RPTOR: variants seen among roughly 807,000 people sequenced by gnomAD.
RPTOR encodes the protein regulatory-associated protein of mTOR.
A neutral mutation model predicts 169.9 loss-of-function variants in RPTOR; 21 were observed. That is an observed-to-expected ratio of 0.12 (90% CI 0.09 to 0.18). RPTOR has a LOEUF of 0.18. Ranked by LOEUF, RPTOR falls within the 10% of genes least tolerant of loss-of-function variation. The probability of loss-of-function intolerance (pLI) is 1.00; values close to 1 mark genes in which losing one functional copy is unlikely to be tolerated. For missense variants in RPTOR, 1,133 were observed against 1,855.9 expected, an observed-to-expected ratio of 0.61 and a Z score of 7.16; for synonymous variants, 732 against 753.2, an observed-to-expected ratio of 0.97 and a Z score of 0.46.
rs754747087 is a variant in RPTOR at position 80,945,793 on chromosome 17, G to A, written c.3140+12G>A. The A allele has an allele frequency of 2.7e-5, 42 of 1,536,952 alleles. No homozygotes were observed. Among genetic ancestry groups the A allele is most frequent in the Admixed American group, 3.7e-5 (2 of 54,370 alleles). ...AAGGACAGCATCTGGTATGCACCGC[G>A]CTGGTCAGGCCTCCCTTCCGGCTGA... On this transcript the variant is annotated intron_variant, in intron 26 of 33. Coordinates refer to ENST00000306801, the MANE Select transcript of RPTOR (RefSeq NM_020761.3).
At chr17:80,753,179 CTCTG>C (rs1054793614) in intron 5 of RPTOR, among the ~76,000 whole-genome samples, 14 of 152,296 alleles carry the variant, frequency 9.2e-5, no homozygotes, top group African/African-American at 3.1e-4. Flanking sequence ...TGAGTGCTCG[CTCTG>C]TCTGTTTTTC....
Position 80,807,486 on chromosome 17 carries a change from G to A in RPTOR, c.891-14715G>A, listed in dbSNP as rs1238363906. 1.3e-5 allele frequency among the ~76,000 whole-genome samples: 2 copies of A among 152,160 alleles called. 1 individual carries two copies. On this transcript the variant is annotated intron_variant, in intron 7 of 33. Coordinates refer to ENST00000306801, the MANE Select transcript of RPTOR (RefSeq NM_020761.3). ...CTGCGTCAGACTTCCAAGTAGCTGG[G>A]ATTACAGGCACACACCACCACACCT...
At chr17:80,671,572 A>G (rs2065822213) in intron 3 of RPTOR, among the ~76,000 whole-genome samples, 1 of 152,086 alleles carries the variant, frequency 6.6e-6, no homozygotes, top group Admixed American at 6.5e-5. Flanking sequence ...TCGGTTGGGG[A>G]AGGGGGTCCA....
At chr17:80,622,358 C>G (rs12952285) in intron 1 of RPTOR, among the ~76,000 whole-genome samples, 52,401 of 152,048 alleles carry the variant, frequency 0.34, 9,189 homozygotes, top group African/African-American at 0.4. Context: ...AGCAGTTTAT[C>G]CTCAAAGGCT....
intron 9 of RPTOR, among the ~76,000 whole-genome samples, chr17:80,827,986 C>G (rs1266335097): frequency 1.3e-5 from 2 of 152,182 alleles, no homozygotes; most frequent in East Asian, 3.9e-4. Flanking sequence ...CCAGCCTGCC[C>G]CATGCTGACT....
intron 5 of RPTOR, among the ~76,000 whole-genome samples, chr17:80,744,151 T>C (rs200036615): frequency 0.013 from 190 of 14,570 alleles, 4 homozygotes; most frequent in Middle Eastern, 0.031. Flanking sequence ...ACTATCCTGG[T>C]TACTAGCACA....
chr17:80,797,069 T>C (rs2067108647), intron 7 of RPTOR, among the ~76,000 whole-genome samples: 1 of 152,218 alleles, frequency 6.6e-6, no homozygotes, highest in African/African-American at 2.4e-5. Context: ...TTTTTGGATT[T>C]TGTTCCCCAA....
At chr17:80,885,169 G>T (rs2068230977) in intron 17 of RPTOR, 21 bp downstream of exon 17, 1 of 1,548,336 alleles carries the variant, frequency 6.5e-7, no homozygotes, top group East Asian at 2.4e-5. Flanking sequence ...CCCCAGCCCG[G>T]CAGCAGCAGG....
At chr17:80,855,437 G>T (rs2143744183) in intron 11 of RPTOR, 27 bp from the exon 12 acceptor site, 1 of 1,568,118 alleles carries the variant, frequency 6.4e-7, no homozygotes, top group Non-Finnish European at 8.8e-7. Flanking sequence ...GGTTTGCAGT[G>T]ATACCATTTT....
intron 21 of RPTOR, chr17:80,909,778 T>A (rs1598395361): frequency 6.6e-6 from 1 of 152,264 alleles, no homozygotes; most frequent in South Asian, 2.1e-4. Context: ...AAAGAATCAG[T>A]TTTTGGTTTC....
chr17:80,723,608 T>C (rs569220263), intron 4 of RPTOR, among the ~76,000 whole-genome samples: 1 of 151,394 alleles, frequency 6.6e-6, no homozygotes, highest in Non-Finnish European at 1.5e-5. Context: ...GATCTTTGGC[T>C]TTTTTGAGAG....
Position 80,616,298 on chromosome 17 carries a change from C to CTTTTTTTT in RPTOR, c.163-9379_163-9372dup, listed in dbSNP as rs201229448. Reference sequence around the variant, plus strand: ...AATCCATTTATTGAAAATTGAAAATCTTTTTTTTTTTTTTTTTTTTTGAGA... The same window carrying CTTTTTTTT: ...AATCCATTTATTGAAAATTGAAAATCTTTTTTTTTTTTTTTTTTTTTTTTTTTTTGAGA... On this transcript the variant is annotated intron_variant, in intron 1 of 33. Transcript: ENST00000306801. 7.2e-3 allele frequency among the ~76,000 whole-genome samples: 811 copies of CTTTTTTTT among 113,198 alleles called. 21 individuals are homozygous for CTTTTTTTT. Among genetic ancestry groups the CTTTTTTTT allele is most frequent in the Non-Finnish European group, 9.7e-3 (573 of 59,206 alleles). The allele number at this position is 113,198 out of a possible 152,430, so 74.3% of individuals were successfully genotyped here.
chr17:80,945,614 A>AG, intron 25 of RPTOR, 53 bp from the exon 26 acceptor site: 2 of 1,130,258 alleles, frequency 1.8e-6, no homozygotes, highest in Non-Finnish European at 2.6e-6. Flanking sequence ...TAAATAAATA[A>AG]GGGGGAAAAG....
At chr17:80,554,056 G>A (rs1373441618) in intron 1 of RPTOR, among the ~76,000 whole-genome samples, 1 of 151,574 alleles carries the variant, frequency 6.6e-6, no homozygotes, top group Non-Finnish European at 1.5e-5. Context: ...GTTCTGTTGT[G>A]TGCGTGTGTG....
intron 5 of RPTOR, among the ~76,000 whole-genome samples, chr17:80,742,826 A>G (rs537469275): frequency 2.0e-5 from 3 of 152,112 alleles, no homozygotes; most frequent in East Asian, 3.9e-4. Context: ...ATACATGCCC[A>G]CCTATACATA....
At chr17:80,883,703 G>T in intron 15 of RPTOR, 78 bp from the exon 16 acceptor site, 1 of 1,491,432 alleles carries the variant, frequency 6.7e-7, no homozygotes, top group South Asian at 1.1e-5. Flanking sequence ...GGTGGCCACC[G>T]TTGTCCCGTG....
intron 11 of RPTOR, among the ~76,000 whole-genome samples, chr17:80,848,229 TGAGCCCA>T (rs1207722426): frequency 1.2e-3 from 190 of 152,360 alleles, no homozygotes; most frequent in African/African-American, 4.4e-3. Flanking sequence ...AAGGATCACT[TGAGCCCA>T]GGAGTTCAAG....
chr17:80,886,367 G>C (rs957547486), intron 17 of RPTOR, among the ~76,000 whole-genome samples: 1 of 152,188 alleles, frequency 6.6e-6, no homozygotes, highest in Non-Finnish European at 1.5e-5. Flanking sequence ...GTGAGGTTCC[G>C]GGCTGCCTTT....
chr17:80,759,776 T>G (rs995700907), intron 6 of RPTOR, among the ~76,000 whole-genome samples: 2 of 152,132 alleles, frequency 1.3e-5, no homozygotes, highest in African/African-American at 4.8e-5. Context: ...AAAAGTCAAT[T>G]TTTCTAATTA....
Sources: allele counts gnomAD v4.1 joint callset (sites outside exome capture counted in the v4.1 genomes callset), GRCh38; gene constraint gnomAD v4.1.1; transcripts MANE v1.5; gene names NCBI Gene and HGNC (gene_info 2026-07-23, HGNC 2026-07-21).